Variants in NEBL observed in about 807,000 individuals in gnomAD.
NEBL encodes the protein LIM and SH3 protein 2.
A neutral mutation model predicts 140.2 loss-of-function variants in NEBL; 122 were observed. That is an observed-to-expected ratio of 0.87 (90% confidence interval 0.75 to 1.01). The LOEUF (loss-of-function observed/expected upper bound fraction) is 1.01. Among genes scored for constraint, NEBL ranks in the 50% least tolerant of loss-of-function variants. The probability of loss-of-function intolerance (pLI) is 0.00; values close to 1 mark genes in which losing one functional copy is unlikely to be tolerated. For synonymous variants in NEBL, 436 were observed against 398.9 expected (o/e 1.09, Z -1.11); for missense variants, 1,365 against 1,231.3 (o/e 1.11, Z -1.62).
intron 2 of NEBL, among the ~76,000 whole-genome samples, chr10:21,074,798 G>T (rs758598994): frequency 5.2e-3 from 417 of 79,940 alleles, no homozygotes; most frequent in Non-Finnish European, 7.1e-3. Flanking sequence ...ATATATTTTT[G>T]TTGTTGTTGT....
rs565821140 is a variant in NEBL, at chr10:21,283,340, A to G, written n.182+9490T>C. On this transcript the variant is annotated intron_variant and non_coding_transcript_variant, in intron 1 of 8. Coordinates refer to the NEBL transcript ENST00000675702. ...GGCATGAATAATCCACCGCTTGTTT[A>G]GCATATCATCAAGAAATAACCATAA... Among the ~76,000 whole-genome samples the G allele has an allele frequency of 7.9e-5, 12 of 152,314 alleles. No individual in the cohort carries two copies. The South Asian group carries it at 1.0e-3, about 13-fold the overall frequency.
At chr10:21,289,226 A>G (rs528791030) in intron 1 of NEBL, among the ~76,000 whole-genome samples, 4 of 140,200 alleles carry the variant, frequency 2.9e-5, no homozygotes, top group African/African-American at 4.9e-5. Flanking sequence ...GCAGGAACAT[A>G]ATTGCACCTG....
intron 3 of NEBL, among the ~76,000 whole-genome samples, chr10:21,223,671 T>C (rs1842104946): frequency 6.6e-6 from 1 of 152,228 alleles, no homozygotes; most frequent in Non-Finnish European, 1.5e-5. Flanking sequence ...ACCAATAGTG[T>C]ATGAGGGTTC....
intron 2 of NEBL, among the ~76,000 whole-genome samples, chr10:21,083,252 G>A (rs1271553560): frequency 6.6e-6 from 1 of 152,210 alleles, no homozygotes; most frequent in African/African-American, 2.4e-5. Context: ...CATGACCCCA[G>A]GGTAAGCAAT....
chr10:21,186,398 G>A (rs892564915), intron 3 of NEBL, among the ~76,000 whole-genome samples: 3 of 151,952 alleles, frequency 2.0e-5, no homozygotes, highest in Admixed American at 1.3e-4. Flanking sequence ...TCATGAGGGT[G>A]TATACGTGTG....
chr10:21,114,094 ATTG>A (rs1838170237), intron 2 of NEBL, among the ~76,000 whole-genome samples: 1 of 151,912 alleles, frequency 6.6e-6, no homozygotes. Context: ...TAACTCACAA[ATTG>A]TTGTTGTGGG....
intron 2 of NEBL, among the ~76,000 whole-genome samples, chr10:21,057,636 G>C (rs981156341): frequency 7.2e-6 from 1 of 138,246 alleles, no homozygotes; most frequent in Non-Finnish European, 1.5e-5. Context: ...GGCAACCTCT[G>C]CCTCCGAGGC....
chr10:21,160,300 C>T (rs1317144750), intron 2 of NEBL, among the ~76,000 whole-genome samples: 1 of 152,154 alleles, frequency 6.6e-6, no homozygotes, highest in Non-Finnish European at 1.5e-5. Flanking sequence ...TTTTTACGGG[C>T]CACTCAGCCC....
chr10:20,925,754 A>G (rs975231494), intron 4 of NEBL, among the ~76,000 whole-genome samples: 5 of 151,626 alleles, frequency 3.3e-5, no homozygotes, highest in Admixed American at 2.0e-4. Context: ...AGAGTACACA[A>G]TTTGGAGTAG....
chr10:21,116,429 A>G (rs996731664), intron 2 of NEBL, among the ~76,000 whole-genome samples: 2 of 152,104 alleles, frequency 1.3e-5, no homozygotes, highest in Non-Finnish European at 2.9e-5. Context: ...CCCTACTCTC[A>G]TAACATCACC....
At chr10:21,142,731 G>A (rs754790686) in intron 2 of NEBL, among the ~76,000 whole-genome samples, 6 of 152,128 alleles carry the variant, frequency 3.9e-5, no homozygotes, top group Admixed American at 6.5e-5. Context: ...TGAGATCAGC[G>A]GTGGTATTAG....
upstream of NEBL, among the ~76,000 whole-genome samples, chr10:20,900,354 C>G (rs1000653878): frequency 1.3e-5 from 2 of 152,088 alleles, no homozygotes; most frequent in African/African-American, 4.8e-5. Context: ...CATAGTTAAA[C>G]AGAAAAACTG....
chr10:20,831,890 G>A (rs1185202724), intron 14 of NEBL, among the ~76,000 whole-genome samples: 1 of 151,976 alleles, frequency 6.6e-6, no homozygotes, highest in Non-Finnish European at 1.5e-5. Flanking sequence ...GGTCATATAT[G>A]GCTTAGTTAA....
At chr10:20,811,061 T>A (rs963241189) in intron 24 of NEBL, among the ~76,000 whole-genome samples, 6 of 152,174 alleles carry the variant, frequency 3.9e-5, no homozygotes, top group Non-Finnish European at 5.9e-5. Flanking sequence ...AAACGTGTAT[T>A]TTCATGCCTG....
chr10:21,105,492 C>G (rs1837670702), intron 2 of NEBL, among the ~76,000 whole-genome samples: 1 of 152,146 alleles, frequency 6.6e-6, no homozygotes, highest in Non-Finnish European at 1.5e-5. Context: ...CAGCTTCATC[C>G]ATGTCCCTGC....
At chr10:21,012,081 C>A (rs948174888) in intron 3 of NEBL, among the ~76,000 whole-genome samples, 6 of 152,238 alleles carry the variant, frequency 3.9e-5, no homozygotes, top group African/African-American at 1.2e-4. Context: ...TAATCTGCCT[C>A]TCCCAACTTT....
chr10:20,841,237 G>A, intron 12 of NEBL: 6 of 177,030 alleles, frequency 3.4e-5, no homozygotes, highest in East Asian at 1.5e-4. Context: ...GCAAAAGAAT[G>A]GAAAATTACA....
At chr10:20,894,589 A>C (rs370737493) in intron 2 of NEBL, among the ~76,000 whole-genome samples, 2 of 152,154 alleles carry the variant, frequency 1.3e-5, no homozygotes, top group South Asian at 4.2e-4. Context: ...TCTATTCGGA[A>C]GCAAAATGTG....
At chr10:20,880,976 G>A in intron 4 of NEBL, 72 bp from the exon 5 acceptor site, 1 of 1,225,614 alleles carries the variant, frequency 8.2e-7, no homozygotes, top group Non-Finnish European at 1.2e-6. Flanking sequence ...TCAGTGTTTT[G>A]CCAGGACTTT....
Sources: allele counts gnomAD v4.1 joint callset (sites outside exome capture counted in the v4.1 genomes callset), GRCh38; gene constraint gnomAD v4.1.1; transcripts MANE v1.5; gene names NCBI Gene and HGNC (gene_info 2026-07-23, HGNC 2026-07-21).